The following SEMA4D variants were observed in gnomAD, a reference collection of about 807,000 sequenced individuals.
SEMA4D encodes semaphorin-4D.
A neutral mutation model predicts 74.8 loss-of-function variants in SEMA4D; 22 were observed. The ratio of observed to expected loss-of-function variants is 0.29; its 90% CI spans 0.21 to 0.42. SEMA4D has a LOEUF of 0.42. Among genes scored for constraint, SEMA4D ranks in the 10% least tolerant of loss-of-function variants. SEMA4D has a pLI of 1.00. For missense variants in SEMA4D, 937 were observed against 1,118.4 expected (o/e 0.84, Z 2.31); for synonymous variants, 445 against 463.7 (o/e 0.96, Z 0.52).
chr9:89,364,922 G>C (rs1487465988), intron 16 of SEMA4D: 1 of 132,274 alleles, frequency 7.6e-6, no homozygotes, highest in Non-Finnish European at 1.6e-5. Context: ...GGGTGGGGCT[G>C]TGAAAACCAG....
At chr9:89,437,345 T>G (rs1314180459) in intron 2 of SEMA4D, among the ~76,000 whole-genome samples, 2 of 152,140 alleles carry the variant, frequency 1.3e-5, no homozygotes, top group Non-Finnish European at 2.9e-5. Context: ...GGAAGCGCGA[T>G]GCAGTGAGTA....
rs144096074 is a variant in SEMA4D, at chr9:89,407,818, T to C, written c.-243-2119A>G. Among the ~76,000 whole-genome samples, 317 of 152,310 alleles carry C rather than the reference T, an allele frequency of 2.1e-3. 1 individual carries two copies. The highest frequency in any genetic ancestry group is 6.7e-3 in the African/African-American group (278 of 41,568). On this transcript the variant is annotated intron_variant, in intron 2 of 15. Transcript: ENST00000422704. ...TCTGCATGGCTGTGTAACGGCTGTC[T>C]CTCCTGCCTGTCAACACCACTTAGA...
chr9:89,374,946 G>C (rs763017971), downstream of SEMA4D, among the ~76,000 whole-genome samples: 5 of 152,188 alleles, frequency 3.3e-5, no homozygotes, highest in African/African-American at 1.2e-4. Flanking sequence ...CCAGCTACTA[G>C]GGGGGCTGAT....
chr9:89,365,719 G>A (rs1833540743), intron 16 of SEMA4D: 1 of 152,244 alleles, frequency 6.6e-6, no homozygotes, highest in Admixed American at 6.5e-5. Context: ...TCAGGTGTAG[G>A]GGCAGAGGTG....
intron 1 of SEMA4D, among the ~76,000 whole-genome samples, chr9:89,469,184 G>T (rs1447374185): frequency 6.6e-6 from 1 of 152,076 alleles, no homozygotes; most frequent in Non-Finnish European, 1.5e-5. Context: ...CAACTTAGAG[G>T]AAATGATCAA....
chr9:89,483,791 A>G (rs1430630325), intron 1 of SEMA4D, among the ~76,000 whole-genome samples: 1 of 152,110 alleles, frequency 6.6e-6, no homozygotes, highest in Non-Finnish European at 1.5e-5. Context: ...GGTCACTGTC[A>G]GCGTCTGAAG....
Position 89,379,381 on chromosome 9 carries a change from C to A in SEMA4D, c.1912G>T (p.Val638Leu), listed in dbSNP as rs1303577497. Residue 638 changes from valine (V) to leucine (L), a missense_variant, in exon 16 of 16, where the codon GTG becomes TTG. By Grantham distance (32) the Val-to-Leu change is conservative. Transcript: ENST00000422704. Reference sequence around the variant, plus strand: ...ACTTCCAGGACGTGCTTGGCGACCACTTGGAAGACCGTTTTGTTCTTAACC... The same window carrying A: ...ACTTCCAGGACGTGCTTGGCGACCAATTGGAAGACCGTTTTGTTCTTAACC... ...ERVKNKTVFQ[V>L]VAKHVLEVKV... is the part of the protein sequence containing the mutation. The A allele has an allele frequency of 6.2e-7, 1 of 1,614,084 alleles. No individual in the cohort carries two copies. Among genetic ancestry groups the A allele is most frequent in the Non-Finnish European group, 8.5e-7 (1 of 1,180,054 alleles).
intron 2 of SEMA4D, among the ~76,000 whole-genome samples, chr9:89,434,581 C>T (rs1236272044): frequency 1.3e-5 from 2 of 152,220 alleles, no homozygotes; most frequent in African/African-American, 4.8e-5. Flanking sequence ...CTCCTCTCTG[C>T]CCTCCTGCCT....
chr9:89,430,565 A>G (rs916079457), intron 2 of SEMA4D, among the ~76,000 whole-genome samples: 1 of 152,242 alleles, frequency 6.6e-6, no homozygotes, highest in Non-Finnish European at 1.5e-5. Context: ...TGATGTCTAC[A>G]GAGTCTAACA....
intron 1 of SEMA4D, among the ~76,000 whole-genome samples, chr9:89,495,304 A>T (rs1427313883): frequency 1.3e-5 from 2 of 152,178 alleles, no homozygotes; most frequent in Non-Finnish European, 2.9e-5. Flanking sequence ...CAAGCAGCAA[A>T]GCAATTTGCT....
intron 2 of SEMA4D, among the ~76,000 whole-genome samples, chr9:89,430,685 C>A (rs1038925343): frequency 3.9e-5 from 6 of 152,224 alleles, no homozygotes; most frequent in South Asian, 2.1e-4. Context: ...CAAATATGCA[C>A]CATCAGATGG....
intron 1 of SEMA4D, among the ~76,000 whole-genome samples, chr9:89,496,617 G>A (rs184423415): frequency 1.3e-5 from 2 of 152,262 alleles, no homozygotes; most frequent in Admixed American, 1.3e-4. Context: ...TCTTCTTCTG[G>A]CTGACGACTA....
intron 1 of SEMA4D, among the ~76,000 whole-genome samples, chr9:89,481,639 G>A (rs953797922): frequency 6.6e-6 from 1 of 152,228 alleles, no homozygotes; most frequent in Middle Eastern, 3.2e-3. Flanking sequence ...ATACGTGGTG[G>A]CAAGGCAAGA....
intron 1 of SEMA4D, among the ~76,000 whole-genome samples, chr9:89,490,877 G>A (rs1286337887): frequency 6.6e-6 from 1 of 152,112 alleles, no homozygotes; most frequent in East Asian, 1.9e-4. Flanking sequence ...GATTCTCAGG[G>A]CCATATGGTC....
rs1824957374 is a variant in SEMA4D, at chr9:89,484,182, C to T, written c.-310+13737G>A. On this transcript the variant is annotated intron_variant, in intron 1 of 15. Coordinates refer to ENST00000422704, the MANE Select transcript of SEMA4D (RefSeq NM_001371194.2). This position sits in a 1 kb window ranked among gnomAD's most constrained non-coding sequence, Gnocchi z 4.1. ...TGCAGGCCCACCTGCAGCTGGGCTGCATCTGGGAGAGGCAAGCGAGGGGCC... is the reference window on the plus strand; with the variant it reads ...TGCAGGCCCACCTGCAGCTGGGCTGTATCTGGGAGAGGCAAGCGAGGGGCC... Among the ~76,000 whole-genome samples, 1 of 152,250 alleles carries T rather than the reference C, an allele frequency of 6.6e-6. No homozygotes were observed. Among genetic ancestry groups the T allele is most frequent in the African/African-American group, 2.4e-5 (1 of 41,474 alleles).
chr9:89,363,492 A>G, exon 18 of SEMA4D: 1 of 1,614,108 alleles, frequency 6.2e-7, no homozygotes, highest in Non-Finnish European at 8.5e-7. Flanking sequence ...CTCCAGGCAG[A>G]GAGCTCTCTG....
rs1836123068 is a variant in SEMA4D at position 89,378,000 on chromosome 9, G to A, written c.*704C>T. On this transcript the variant is annotated 3_prime_UTR_variant, in exon 16 of 16. Coordinates refer to ENST00000422704, the MANE Select transcript of SEMA4D (RefSeq NM_001371194.2). Reference sequence around the variant, plus strand: ...AAAAAAAGAAAAAGAAAAAAGGTGAGTGGGCTCCGGGGAGTGTTTATGTCT... The same window carrying A: ...AAAAAAAGAAAAAGAAAAAAGGTGAATGGGCTCCGGGGAGTGTTTATGTCT... The A allele has an allele frequency of 6.6e-6, 1 of 152,194 alleles. No individual in the cohort carries two copies. Among genetic ancestry groups the A allele is most frequent in the Non-Finnish European group, 1.5e-5 (1 of 67,980 alleles). The allele number at this position is 152,194 out of a possible 1,614,324, so 9.4% of individuals were successfully genotyped here.
At chr9:89,408,220 A>T (rs911066519) in intron 2 of SEMA4D, among the ~76,000 whole-genome samples, 3 of 152,262 alleles carry the variant, frequency 2.0e-5, no homozygotes, top group Admixed American at 2.0e-4. Flanking sequence ...GCTCTGACAA[A>T]TACGAATGGA....
At chr9:89,474,003 T>C (rs188620107) in intron 1 of SEMA4D, among the ~76,000 whole-genome samples, 65 of 151,962 alleles carry the variant, frequency 4.3e-4, no homozygotes, top group African/African-American at 1.3e-3. Context: ...CCCAGAGAAG[T>C]AGGACAGAGA....
Sources: allele counts gnomAD v4.1 joint callset (sites outside exome capture counted in the v4.1 genomes callset), GRCh38; gene constraint gnomAD v4.1.1; non-coding constraint Gnocchi (gnomAD v3.1); transcripts MANE v1.5; gene names NCBI Gene and HGNC (gene_info 2026-07-23, HGNC 2026-07-21).